SLAIN2: variants seen among roughly 807,000 people sequenced by gnomAD.
The protein encoded by SLAIN2 is SLAIN motif-containing protein 2.
SLAIN2 carries 31 observed loss-of-function variants against 56.6 expected under a neutral mutation model. The ratio of observed to expected loss-of-function variants is 0.55; its 90% confidence interval spans 0.41 to 0.74. The LOEUF is 0.74. Ranked by LOEUF, SLAIN2 falls within the 30% of genes least tolerant of loss-of-function variation. The pLI, the probability that SLAIN2 is intolerant of heterozygous loss-of-function variation, is 0.00. For synonymous variants in SLAIN2, 317 were observed against 284.9 expected (o/e 1.11, Z -1.13); for missense variants, 777 against 754.2 (o/e 1.03, Z -0.35).
intron 2 of SLAIN2, 33 bp downstream of exon 2, chr4:48,370,030 C>T: frequency 6.3e-7 from 1 of 1,597,512 alleles, no homozygotes; most frequent in Non-Finnish European, 8.5e-7. Context: ...AAATTCATCT[C>T]TTTGCTTTCT....
At chr4:48,393,121 C>A (rs1256153403) in intron 6 of SLAIN2, among the ~76,000 whole-genome samples, 2 of 151,924 alleles carry the variant, frequency 1.3e-5, no homozygotes, top group African/African-American at 2.4e-5. Context: ...GCATGTAATT[C>A]CAGCACTTCG....
intron 6 of SLAIN2, among the ~76,000 whole-genome samples, chr4:48,411,594 A>G (rs1185435297): frequency 1.6e-5 from 2 of 128,750 alleles, no homozygotes; most frequent in Non-Finnish European, 3.4e-5. Context: ...TATTTGGATT[A>G]TCTTCTGAGT....
At chr4:48,382,453 C>G (rs1715992093) in intron 4 of SLAIN2, 115 bp from the exon 5 acceptor site, 1 of 1,118,800 alleles carries the variant, frequency 8.9e-7, no homozygotes, top group Non-Finnish European at 1.2e-6. Flanking sequence ...AGGGAGTTTT[C>G]TTTTACACTT....
chr4:48,364,839 T>C (rs1434854476), intron 1 of SLAIN2, among the ~76,000 whole-genome samples: 1 of 104,424 alleles, frequency 9.6e-6, no homozygotes, highest in African/African-American at 3.7e-5. Flanking sequence ...CGGCTCCGCA[T>C]GAGAGGGAGA....
At chr4:48,380,601 T>C (rs1245907427) in intron 4 of SLAIN2, among the ~76,000 whole-genome samples, 1 of 152,214 alleles carries the variant, frequency 6.6e-6, no homozygotes, top group Non-Finnish European at 1.5e-5. Context: ...TTTAAAGGGT[T>C]CATGGCTACT....
chr4:48,395,764 G>A lies in SLAIN2; in HGVS notation c.1360+11980G>A, dbSNP rs114124614. 5.6e-5 allele frequency among the ~76,000 whole-genome samples: 8 copies of A among 142,200 alleles called. No individual in the cohort carries two copies. The South Asian group carries it at 1.6e-3, about 29-fold the overall frequency. 93.3% of individuals were successfully genotyped at this position (142,200 alleles called of 152,430 possible). A position where few individuals can be genotyped will look rare whatever the true frequency, so the allele number is the denominator to read the frequency against. On this transcript the variant is annotated intron_variant, in intron 6 of 7. Coordinates refer to ENST00000264313, the MANE Select transcript of SLAIN2 (RefSeq NM_020846.2). Reference sequence around the variant, plus strand: ...TGGGAAAGGAGGTGACTTAATAGGGGTTATTATAGAAAGGGGTTTTTGTGG... The same window carrying A: ...TGGGAAAGGAGGTGACTTAATAGGGATTATTATAGAAAGGGGTTTTTGTGG...
chr4:48,356,181 T>A (rs1489675394), intron 1 of SLAIN2, among the ~76,000 whole-genome samples: 3 of 152,210 alleles, frequency 2.0e-5, no homozygotes, highest in Non-Finnish European at 4.4e-5. Context: ...AGCCAGGAAC[T>A]AACATGTTCT....
chr4:48,405,370 T>C (rs1468361869), intron 6 of SLAIN2, among the ~76,000 whole-genome samples: 3 of 152,228 alleles, frequency 2.0e-5, no homozygotes, highest in Non-Finnish European at 2.9e-5. Context: ...CTTTTTGATA[T>C]GTCTTTTTAA....
At position 48,382,584 on chromosome 4, in the gene SLAIN2, T is replaced by C. The variant is rs1052865395; in HGVS notation, c.879T>C (p.Tyr293=). The C allele has an allele frequency of 6.3e-7, 1 of 1,580,534 alleles. No individual in the cohort carries two copies. Among genetic ancestry groups the C allele is most frequent in the Middle Eastern group, 1.7e-4 (1 of 5,948 alleles). Residue 293 remains tyrosine (Y), a synonymous_variant, in exon 5 of 8, where the codon TAT becomes TAC. Coordinates refer to ENST00000264313, the MANE Select transcript of SLAIN2 (RefSeq NM_020846.2). ...RMQEESLRQE[Y]AATTSRRSSG... is the part of the protein sequence containing the mutation. ...TGTTGCCAGGTCTCCGGCAAGAATA[T>C]GCAGCCACCACGTCTCGGCGCAGTT...
Position 48,341,872 on chromosome 4 carries a change from G to A in SLAIN2, c.133G>A (p.Gly45Arg). Residue 45 changes from glycine (G) to arginine (R), a missense_variant, in exon 1 of 8, where the codon GGG (glycine) becomes AGG (arginine). Physicochemically the swap from Gly to Arg is moderately radical, Grantham distance 125. Coordinates refer to ENST00000264313, the MANE Select transcript of SLAIN2 (RefSeq NM_020846.2). ...GGCCGTGCAGGGCGCCGGCTCCCTTGGGCCCGGCAGCCCGGTTCGGGCCGG... is the reference window on the plus strand; with the variant it reads ...GGCCGTGCAGGGCGCCGGCTCCCTTAGGCCCGGCAGCCCGGTTCGGGCCGG... ...SGAVQGAGSL[G>R]PGSPVRAGAS... The A allele has an allele frequency of 6.6e-7, 1 of 1,518,834 alleles. No homozygotes were observed. Among genetic ancestry groups the A allele is most frequent in the Non-Finnish European group, 8.8e-7 (1 of 1,134,048 alleles). 94.1% of individuals were successfully genotyped at this position (1,518,834 alleles called of 1,614,324 possible).
At chr4:48,407,406 AATAG>A (rs1446501406) in intron 6 of SLAIN2, among the ~76,000 whole-genome samples, 2 of 152,172 alleles carry the variant, frequency 1.3e-5, no homozygotes, top group Non-Finnish European at 2.9e-5. Flanking sequence ...AATGTGAAAT[AATAG>A]ATAATTTCAT....
rs1182151840 is a variant in SLAIN2, at chr4:48,370,112, A to G, written c.538+115A>G. 2.4e-5 allele frequency: 24 copies of G among 1,013,498 alleles called. No individual in the cohort carries two copies. The Middle Eastern group carries it at 7.8e-4, about 33-fold the overall frequency. 62.8% of individuals were successfully genotyped at this position (1,013,498 alleles called of 1,614,324 possible). The stretch of plus-strand genomic sequence containing the variant: ...TTCTTTGGAGCATTTTTCAAATCTC[A>G]TTGTTCATATCATCATGAGAGTTTT... On this transcript the variant is annotated intron_variant, in intron 2 of 7. Coordinates refer to ENST00000264313, the MANE Select transcript of SLAIN2 (RefSeq NM_020846.2).
chr4:48,372,681 G>C (rs1715700138), intron 2 of SLAIN2, among the ~76,000 whole-genome samples: 1 of 152,158 alleles, frequency 6.6e-6, no homozygotes, highest in Admixed American at 6.5e-5. Context: ...AAGAGAGGCA[G>C]TTACTCTTGA....
chr4:48,375,404 C>A (rs1265700560), intron 2 of SLAIN2, among the ~76,000 whole-genome samples: 3 of 152,222 alleles, frequency 2.0e-5, no homozygotes, highest in Admixed American at 2.0e-4. Flanking sequence ...TCCCCAAAAC[C>A]ACTACTACCA....
chr4:48,389,363 C>T (rs1716174686), intron 6 of SLAIN2, among the ~76,000 whole-genome samples: 1 of 152,150 alleles, frequency 6.6e-6, no homozygotes, highest in Non-Finnish European at 1.5e-5. Context: ...GGGTTAAACC[C>T]TGACTTTGGT....
chr4:48,421,251 C>T (rs1375986783), intron 7 of SLAIN2, among the ~76,000 whole-genome samples: 2 of 152,122 alleles, frequency 1.3e-5, no homozygotes, highest in Non-Finnish European at 2.9e-5. Flanking sequence ...AAGTGATCTG[C>T]TTGCCTCAGC....
chr4:48,396,491 A>G (rs1401195027), intron 6 of SLAIN2, among the ~76,000 whole-genome samples: 1 of 152,208 alleles, frequency 6.6e-6, no homozygotes, highest in Admixed American at 6.5e-5. Context: ...GATGGAGAAT[A>G]TCTTTTGGAT....
rs1465705149 is a variant in SLAIN2, at chr4:48,390,618, A to G, written c.1360+6834A>G. Reference sequence around the variant, plus strand: ...AAATTGTATTTTATAACTGTCAGTAAAAAATAAATAATAAAATCAACATTA... The same window carrying G: ...AAATTGTATTTTATAACTGTCAGTAGAAAATAAATAATAAAATCAACATTA... On this transcript the variant is annotated intron_variant, in intron 6 of 7. Coordinates refer to ENST00000264313, the MANE Select transcript of SLAIN2 (RefSeq NM_020846.2). 1.2e-4 allele frequency among the ~76,000 whole-genome samples: 18 copies of G among 152,326 alleles called. 1 individual carries two copies. The East Asian group carries it at 3.3e-3, about 28-fold the overall frequency.
Position 48,341,789 on chromosome 4 carries a change from T to C in SLAIN2, c.50T>C (p.Leu17Pro). Reference sequence around the variant, plus strand: ...AACGCGGACCAGGAGGTGCGGAAGCTGCAGGAGCTGGTGAAGAAGCTGGAG... The same window carrying C: ...AACGCGGACCAGGAGGTGCGGAAGCCGCAGGAGCTGGTGAAGAAGCTGGAG... ...NVNADQEVRK[L>P]QELVKKLEKQ... is the part of the protein sequence containing the mutation. The change falls in exon 1 of 8, where the codon CTG becomes CCG. Residue 17 changes from leucine to proline, a missense_variant. Physicochemically the swap from Leu to Pro is moderately conservative, Grantham distance 98. Coordinates refer to ENST00000264313, the MANE Select transcript of SLAIN2 (RefSeq NM_020846.2). 6.5e-7 allele frequency: 1 copy of C among 1,530,582 alleles called. No homozygotes were observed. The highest frequency in any genetic ancestry group is 8.8e-7 in the Non-Finnish European group (1 of 1,138,878). 94.8% of individuals were successfully genotyped at this position (1,530,582 alleles called of 1,614,324 possible). A position where few individuals can be genotyped will look rare whatever the true frequency, so the allele number is the denominator to read the frequency against.
Sources: gnomAD v4.1 joint callset for allele counts (sites outside exome capture counted in the v4.1 genomes callset) on GRCh38, gnomAD v4.1.1 for gene constraint, MANE v1.5 for transcripts, NCBI Gene and HGNC (gene_info 2026-07-23, HGNC 2026-07-21) for gene names.